SHANK2: variants seen among roughly 807,000 people sequenced by gnomAD.
SHANK2 encodes SH3 and multiple ankyrin repeat domains protein 2.
SHANK2 carries 43 observed loss-of-function variants against 133.7 expected under a neutral mutation model. That is an observed-to-expected ratio of 0.32 (90% CI 0.25 to 0.41). SHANK2 has a LOEUF of 0.41. SHANK2 is among the 10% of genes least tolerant of loss of function. The pLI is 1.00. For missense variants in SHANK2, 1,994 were observed against 2,235.8 expected (o/e 0.89, Z 2.18); for synonymous variants, 1,017 against 952.8 (o/e 1.07, Z -1.24).
intron 11 of SHANK2, among the ~76,000 whole-genome samples, chr11:70,889,215 G>A (rs1441018120): frequency 6.6e-6 from 1 of 152,128 alleles, no homozygotes; most frequent in African/African-American, 2.4e-5. Context: ...AGGGAAAGGA[G>A]TAGGACCTCT....
rs550762147 is a variant in SHANK2 at position 70,535,467 on chromosome 11, C to T, written c.2062-32536G>A. ...CCATCAGTCCAACCATCAGTCCGTC[C>T]GTCCATCCATCCATCCATCCATCCA... On this transcript the variant is annotated intron_variant, in intron 17 of 25. Transcript: ENST00000601538. The surrounding 1 kb of genome is among the most constrained non-coding windows in gnomAD (Gnocchi z 4.3). Among the ~76,000 whole-genome samples, 30 of 151,936 alleles carry T rather than the reference C, an allele frequency of 2.0e-4. No homozygotes were observed. Among genetic ancestry groups the T allele is most frequent in the Non-Finnish European group, 3.7e-4 (25 of 67,986 alleles).
At chr11:70,574,743 G>C (rs561875583) in intron 17 of SHANK2, among the ~76,000 whole-genome samples, 255 of 152,270 alleles carry the variant, frequency 1.7e-3, no homozygotes, top group Non-Finnish European at 2.4e-3. Flanking sequence ...GCACAGACCG[G>C]GGGTCTCAGT....
intron 1 of SHANK2, among the ~76,000 whole-genome samples, chr11:71,241,330 T>A (rs1954888623): frequency 6.6e-6 from 1 of 152,202 alleles, no homozygotes; most frequent in African/African-American, 2.4e-5. Context: ...AGGGTGGATT[T>A]TTTTAAGTGA....
intron 17 of SHANK2, among the ~76,000 whole-genome samples, chr11:70,626,808 GCTGGCCTCTGTTGCTGTAGTGGAGAAATA>G (rs1396281163): frequency 6.6e-6 from 1 of 152,200 alleles, no homozygotes; most frequent in African/African-American, 2.4e-5. Context: ...AGGAGGCAGA[GCTGGCCTCTGTTGCTGTAGTGGAGAAATA>G]CTGCACCCCA....
At chr11:70,884,958 C>T (rs564301786) in intron 11 of SHANK2, among the ~76,000 whole-genome samples, 2 of 152,088 alleles carry the variant, frequency 1.3e-5, no homozygotes, top group Admixed American at 1.3e-4. Flanking sequence ...TGACCTCAGG[C>T]GATCCACCCA....
At chr11:70,819,019 G>A (rs1948462066) in intron 12 of SHANK2, among the ~76,000 whole-genome samples, 2 of 152,352 alleles carry the variant, frequency 1.3e-5, no homozygotes, top group South Asian at 4.1e-4. Context: ...TGGCAACAGA[G>A]CATGACCCAG....
chr11:70,706,988 AT>A (rs782658468), intron 14 of SHANK2, among the ~76,000 whole-genome samples: 7 of 152,220 alleles, frequency 4.6e-5, no homozygotes, highest in Non-Finnish European at 7.4e-5. Context: ...AAATAAGAGG[AT>A]TTTTCTCAAA....
chr11:71,105,590 TAAAAAAAAAAAAA>T (rs60654256), intron 6 of SHANK2, among the ~76,000 whole-genome samples: 26 of 77,954 alleles, frequency 3.3e-4, no homozygotes, highest in African/African-American at 1.2e-3. Flanking sequence ...AGACTCAGTC[TAAAAAAAAAAAAA>T]AAAAAAAAAA....
intron 17 of SHANK2, among the ~76,000 whole-genome samples, chr11:70,549,883 C>CG (rs1430518636): frequency 6.6e-6 from 1 of 152,232 alleles, no homozygotes; most frequent in African/African-American, 2.4e-5. Flanking sequence ...AAAGACACAG[C>CG]GAAGCTCCGG....
In SHANK2 at chr11:71,189,471, G is replaced by A. The variant is rs575161952; in HGVS notation, c.-13+35226C>T. 5.3e-5 allele frequency among the ~76,000 whole-genome samples: 8 copies of A among 152,160 alleles called. No individual in the cohort carries two copies. In the South Asian group the frequency reaches 1.3e-3, roughly 24 times the overall value. On this transcript the variant is annotated intron_variant, in intron 2 of 25. Transcript: ENST00000601538. ...GAGTGCAGTAACACAATCACGGCTC[G>A]CTGCAGCCTCAACCTCCCAGGTTCA...
chr11:70,792,299 C>T (rs200946211), intron 14 of SHANK2, among the ~76,000 whole-genome samples: 12 of 14,070 alleles, frequency 8.5e-4, no homozygotes, highest in South Asian at 7.2e-3. Flanking sequence ...AATCAATCAA[C>T]CAACCAACCA....
chr11:71,061,816 G>A (rs1950989509), intron 9 of SHANK2, among the ~76,000 whole-genome samples: 1 of 151,776 alleles, frequency 6.6e-6, no homozygotes, highest in Non-Finnish European at 1.5e-5. Context: ...GAGAGCACTG[G>A]GCAGGTCCCT....
chr11:70,809,350 C>T (rs1244669281), intron 12 of SHANK2, among the ~76,000 whole-genome samples: 10 of 152,222 alleles, frequency 6.6e-5, no homozygotes, highest in African/African-American at 2.4e-4. Flanking sequence ...GGCCCATGCA[C>T]ACAGGGACCC....
At chr11:70,727,804 C>G (rs1207968776) in intron 14 of SHANK2, among the ~76,000 whole-genome samples, 2 of 152,362 alleles carry the variant, frequency 1.3e-5, no homozygotes, top group Non-Finnish European at 2.9e-5. Flanking sequence ...GTCAGCAACA[C>G]AGCCTCTGTT....
At chr11:70,576,964 C>A (rs1390001886) in intron 17 of SHANK2, among the ~76,000 whole-genome samples, 1 of 152,170 alleles carries the variant, frequency 6.6e-6, no homozygotes, top group African/African-American at 2.4e-5. Context: ...ATGAGTATCA[C>A]GCAGTTAGCG....
At position 70,569,018 on chromosome 11, in the gene SHANK2, G is replaced by C. The variant is rs1245437922; in HGVS notation, c.2062-66087C>G. ...TGAAGATGTTCAAGGCTGCCCATGT[G>C]CCCTTTCCCCGTTTTCAGGCATGCA... is the stretch of plus-strand genomic sequence containing the variant. On this transcript the variant is annotated intron_variant, in intron 17 of 25. Transcript: ENST00000601538. The surrounding 1 kb of genome is among the most constrained non-coding windows in gnomAD (Gnocchi z 5.1). Among the ~76,000 whole-genome samples the C allele has an allele frequency of 6.6e-6, 1 of 152,188 alleles. No individual in the cohort carries two copies. Among genetic ancestry groups the C allele is most frequent in the Non-Finnish European group, 1.5e-5 (1 of 68,038 alleles).
chr11:71,215,060 C>T (rs947797607), intron 2 of SHANK2, among the ~76,000 whole-genome samples: 3 of 152,222 alleles, frequency 2.0e-5, no homozygotes, highest in Non-Finnish European at 4.4e-5. Flanking sequence ...GGACAGCTCC[C>T]TCCACCAGCC....
intron 10 of SHANK2, among the ~76,000 whole-genome samples, chr11:70,932,940 T>G (rs557505580): frequency 1.2e-4 from 18 of 152,316 alleles, no homozygotes; most frequent in African/African-American, 4.1e-4. Flanking sequence ...GCAGCTCCTA[T>G]GGAAAACAGT....
At chr11:70,764,614 CATCT>C (rs782353720) in intron 14 of SHANK2, among the ~76,000 whole-genome samples, 1 of 151,892 alleles carries the variant, frequency 6.6e-6, no homozygotes, top group Non-Finnish European at 1.5e-5. Context: ...TCCATCCATC[CATCT>C]ACCCACCCAC....
Sources: allele counts gnomAD v4.1 joint callset (sites outside exome capture counted in the v4.1 genomes callset), GRCh38; gene constraint gnomAD v4.1.1; non-coding constraint Gnocchi (gnomAD v3.1); transcripts MANE v1.5; gene names NCBI Gene and HGNC (gene_info 2026-07-23, HGNC 2026-07-21).